Variants in JMY observed in about 807,000 individuals in gnomAD.
JMY encodes the protein junction mediating and regulatory protein, p53 cofactor, also known as junction-mediating and -regulatory protein.
A neutral mutation model predicts 103.3 loss-of-function variants in JMY; 46 were observed. That is an observed-to-expected ratio of 0.45 (90% CI 0.35 to 0.57). JMY has a LOEUF of 0.57. JMY is among the 20% of genes least tolerant of loss of function. JMY has a pLI of 0.00. For missense variants in JMY, 1,238 were observed against 1,255.2 expected (o/e 0.99, Z 0.21); for synonymous variants, 526 against 489.3 (o/e 1.07, Z -0.99).
chr5:79,296,969 CT>C (rs1489092555), intron 4 of JMY, among the ~76,000 whole-genome samples: 1 of 152,208 alleles, frequency 6.6e-6, no homozygotes, highest in African/African-American at 2.4e-5. Context: ...GTATGTTGTA[CT>C]TACATGGATG....
At chr5:79,268,265 G>A in intron 1 of JMY, among the ~76,000 whole-genome samples, 1 of 151,976 alleles carries the variant, frequency 6.6e-6, no homozygotes, top group East Asian at 1.9e-4. Context: ...ATCTATCAAA[G>A]TAAATAAAAA....
chr5:79,314,297 G>A lies in JMY; in HGVS notation c.2105G>A (p.Arg702Gln), dbSNP rs1240526347. The A allele has an allele frequency of 1.1e-5, 17 of 1,613,852 alleles. No individual in the cohort carries two copies. The highest frequency in any genetic ancestry group is 3.3e-5 in the South Asian group (3 of 91,052). The stretch of plus-strand genomic sequence containing the variant: ...GTCATACTTAAATCAACCAGATTAC[G>A]ACTAGCTCATGCAAGAAGAAAAGGT... ...GQVILKSTRL[R>Q]LAHARRKGAA... Residue 702 changes from arginine (R) to glutamine (Q), a missense_variant, in exon 9 of 11, where the codon CGA (arginine) becomes CAA (glutamine). Transcript: ENST00000396137.
chr5:79,267,972 A>G (rs1386426483), intron 1 of JMY, among the ~76,000 whole-genome samples: 1 of 152,222 alleles, frequency 6.6e-6, no homozygotes, highest in Non-Finnish European at 1.5e-5. Flanking sequence ...TGGGCTGGAC[A>G]TAGTGGCCCA....
chr5:79,308,762 TA>T (rs1273830810), intron 7 of JMY, among the ~76,000 whole-genome samples: 5 of 152,160 alleles, frequency 3.3e-5, no homozygotes, highest in African/African-American at 1.2e-4. Flanking sequence ...TTTTAGCCTC[TA>T]CCGCCTTCTC....
chr5:79,285,118 A>C (rs1746229823), intron 2 of JMY, among the ~76,000 whole-genome samples: 1 of 152,170 alleles, frequency 6.6e-6, no homozygotes, highest in South Asian at 2.1e-4. Context: ...AAAGTAAATA[A>C]GCTAGAAACT....
At chr5:79,274,389 A>G (rs1327567612) in intron 1 of JMY, among the ~76,000 whole-genome samples, 3 of 151,566 alleles carry the variant, frequency 2.0e-5, no homozygotes, top group African/African-American at 7.3e-5. Flanking sequence ...CTTTTTTTAA[A>G]AATAGTGTTT....
At chr5:79,312,891 A>T (rs1747096812) in intron 8 of JMY, among the ~76,000 whole-genome samples, 1 of 152,142 alleles carries the variant, frequency 6.6e-6, no homozygotes, top group East Asian at 1.9e-4. Context: ...GCAGAATTAG[A>T]GGTGGAGGGG....
intron 1 of JMY, among the ~76,000 whole-genome samples, chr5:79,272,842 G>C (rs1745824533): frequency 6.6e-6 from 1 of 152,092 alleles, no homozygotes; most frequent in Non-Finnish European, 1.5e-5. Context: ...TGCCATGTTG[G>C]CCAGGCTGGT....
In JMY at chr5:79,326,381, A is replaced by ATC. The variant is rs1425802164; in HGVS notation, c.*4780_*4781dup. 6.6e-6 allele frequency: 1 copy of ATC among 151,616 alleles called. No individual in the cohort carries two copies. The highest frequency in any genetic ancestry group is 1.9e-4 in the East Asian group (1 of 5,178). The allele number at this position is 151,616 out of a possible 1,614,324, so 9.4% of individuals were successfully genotyped here. A position where few individuals can be genotyped will look rare whatever the true frequency, so the allele number is the denominator to read the frequency against. ...TTACTTGCATGTTCTATGGGTAGCT[A>ATC]TCAAAGGGTGTAACAAATTATTCCA... On this transcript the variant is annotated 3_prime_UTR_variant, in exon 11 of 11. Transcript: ENST00000396137.
At chr5:79,273,999 T>A (rs1299194399) in intron 1 of JMY, among the ~76,000 whole-genome samples, 1 of 151,934 alleles carries the variant, frequency 6.6e-6, no homozygotes, top group African/African-American at 2.4e-5. Flanking sequence ...CCTGGCTAAT[T>A]TTTGTATTTT....
chr5:79,295,322 A>G (rs917526658), intron 4 of JMY, among the ~76,000 whole-genome samples: 10 of 152,360 alleles, frequency 6.6e-5, no homozygotes, highest in Admixed American at 2.6e-4. Context: ...TGGCTACCTT[A>G]CTGAACAGAG....
chr5:79,264,840 T>C (rs1354993347), intron 1 of JMY, among the ~76,000 whole-genome samples: 1 of 152,198 alleles, frequency 6.6e-6, no homozygotes, highest in African/African-American at 2.4e-5. Context: ...GTTTAAATAG[T>C]AGTCATTAAT....
At chr5:79,287,129 G>A (rs1170487284) in intron 2 of JMY, among the ~76,000 whole-genome samples, 1 of 152,060 alleles carries the variant, frequency 6.6e-6, no homozygotes, top group Non-Finnish European at 1.5e-5. Context: ...ATGAGCCTAG[G>A]GTTGAAAAAA....
intron 4 of JMY, among the ~76,000 whole-genome samples, chr5:79,297,003 A>C (rs1423612100): frequency 1.3e-5 from 2 of 152,242 alleles, no homozygotes; most frequent in African/African-American, 2.4e-5. Flanking sequence ...TTGGTACTTC[A>C]TCCCCTTACT....
At position 79,237,481 on chromosome 5, in the gene JMY, G is replaced by C. The variant is rs752287854; in HGVS notation, c.831G>C (p.Met277Ile). ...WTVLFGGAPEMTEQEIDTLCY... is the reference protein window; with the variant it reads ...WTVLFGGAPEITEQEIDTLCY... ...TGCTGTTTGGGGGCGCCCCCGAGAT[G>C]ACCGAGCAGGAAATCGACACTCTGT... is the stretch of plus-strand genomic sequence containing the variant. Residue 277 changes from methionine (M) to isoleucine (I), a missense_variant, in exon 1 of 11, where the codon ATG becomes ATC. Coordinates refer to ENST00000396137, the MANE Select transcript of JMY (RefSeq NM_152405.5). The C allele has an allele frequency of 2.5e-6, 4 of 1,613,742 alleles. No individual in the cohort carries two copies. The South Asian group carries it at 4.4e-5, about 18-fold the overall frequency.
At chr5:79,265,210 T>C (rs868034963) in intron 1 of JMY, among the ~76,000 whole-genome samples, 20 of 152,184 alleles carry the variant, frequency 1.3e-4, no homozygotes, top group Non-Finnish European at 1.8e-4. Flanking sequence ...AGGCGTGAGC[T>C]ACTGCACCCG....
intron 7 of JMY, among the ~76,000 whole-genome samples, chr5:79,307,013 G>A (rs1041215235): frequency 6.6e-6 from 1 of 152,168 alleles, no homozygotes; most frequent in Non-Finnish European, 1.5e-5. Context: ...GATACAGTAT[G>A]TAACCTATTC....
At chr5:79,264,167 C>T (rs1313740445) in intron 1 of JMY, among the ~76,000 whole-genome samples, 1 of 151,958 alleles carries the variant, frequency 6.6e-6, no homozygotes, top group Admixed American at 6.6e-5. Flanking sequence ...CTCACTGCAG[C>T]CTGGCCCTCC....
intron 2 of JMY, among the ~76,000 whole-genome samples, chr5:79,279,434 G>A (rs907871312): frequency 1.7e-4 from 26 of 152,170 alleles, no homozygotes; most frequent in African/African-American, 5.8e-4. Flanking sequence ...TAAATGTTAT[G>A]TGTAATTCAT....
Sources: gnomAD v4.1 joint callset for allele counts (sites outside exome capture counted in the v4.1 genomes callset) on GRCh38, gnomAD v4.1.1 for gene constraint, MANE v1.5 for transcripts, NCBI Gene and HGNC (gene_info 2026-07-23, HGNC 2026-07-21) for gene names.